MIB1: variants seen among roughly 807,000 people sequenced by gnomAD.
MIB1 encodes E3 ubiquitin-protein ligase MIB1.
Under a neutral mutation model 124.5 loss-of-function variants are expected in MIB1, and 278 were observed. That is an observed-to-expected ratio of 2.23 (90% CI 2.02 to 2.47). The LOEUF is 2.47. MIB1 is among the 30% of genes most tolerant of loss of function. MIB1 has a pLI of 0.00. For missense variants in MIB1, 957 were observed against 1,254.4 expected (o/e 0.76, Z 3.58); for synonymous variants, 446 against 429.4 (o/e 1.04, Z -0.48).
upstream of MIB1, among the ~76,000 whole-genome samples, chr18:21,738,579 G>A (rs189351848): frequency 0.01 from 1,537 of 151,830 alleles, 20 homozygotes; most frequent in African/African-American, 0.034. Flanking sequence ...AGGCCGAGGC[G>A]GGCGGATCAC....
intron 3 of MIB1, among the ~76,000 whole-genome samples, chr18:21,771,755 G>A (rs773689151): frequency 8.6e-5 from 13 of 151,954 alleles, no homozygotes; most frequent in Non-Finnish European, 1.9e-4. Flanking sequence ...CATATGCTTT[G>A]GGAGGCTGAG....
Position 21,760,975 on chromosome 18 carries a change from T to C in MIB1, c.230-4797T>C, listed in dbSNP as rs569403765. On this transcript the variant is annotated intron_variant, in intron 1 of 20. Transcript: ENST00000261537. ...AGAAACTTAGCCATTTTGTGGACAT[T>C]TACTGTCATTGGTATTTGATATTAA... 2.4e-3 allele frequency among the ~76,000 whole-genome samples: 372 copies of C among 152,326 alleles called. 2 individuals are homozygous for C. The highest frequency in any genetic ancestry group is 8.4e-3 in the African/African-American group (351 of 41,572).
chr18:21,784,755 G>T (rs1248251171), intron 6 of MIB1, among the ~76,000 whole-genome samples: 2 of 152,188 alleles, frequency 1.3e-5, no homozygotes, highest in African/African-American at 4.8e-5. Context: ...GGGCTCGTTG[G>T]TCTAGTGGTA....
At chr18:21,818,298 G>T (rs1191756702) in intron 11 of MIB1, among the ~76,000 whole-genome samples, 1 of 151,848 alleles carries the variant, frequency 6.6e-6, no homozygotes, top group Non-Finnish European at 1.5e-5. Flanking sequence ...GATTTTAAAA[G>T]ATCTCCCCAG....
intron 7 of MIB1, among the ~76,000 whole-genome samples, chr18:21,797,018 T>A (rs2041589958): frequency 6.6e-6 from 1 of 152,094 alleles, no homozygotes; most frequent in Admixed American, 6.6e-5. Flanking sequence ...AAACAAAAAA[T>A]TGATTATGTG....
chr18:21,820,188 A>G (rs45546634), intron 12 of MIB1, among the ~76,000 whole-genome samples: 2,839 of 152,302 alleles, frequency 0.019, 40 homozygotes, highest in East Asian at 0.069. Flanking sequence ...TTCTTTATGA[A>G]GGATCTGCGG....
At position 21,798,024 on chromosome 18, in the gene MIB1, T is replaced by C. The variant is rs886418580; in HGVS notation, c.1093-60T>C. 24 of 1,511,436 alleles carry C rather than the reference T, an allele frequency of 1.6e-5. No homozygotes were observed. In the Admixed American group the frequency reaches 4.0e-4, roughly 25 times the overall value. 93.6% of individuals were successfully genotyped at this position (1,511,436 alleles called of 1,614,324 possible). A position where few individuals can be genotyped will look rare whatever the true frequency, so the allele number is the denominator to read the frequency against. ...ATTACTTTAAGCATATAAAAACTAG[T>C]GATTGACTTTATGGTATATACTTTA... is the stretch of plus-strand genomic sequence containing the variant. On this transcript the variant is annotated intron_variant, in intron 7 of 20. Coordinates refer to ENST00000261537, the MANE Select transcript of MIB1 (RefSeq NM_020774.4).
intron 15 of MIB1, among the ~76,000 whole-genome samples, chr18:21,845,447 G>A (rs573536829): frequency 4.6e-5 from 7 of 152,158 alleles, no homozygotes; most frequent in South Asian, 2.1e-4. Flanking sequence ...ACCCAAGATC[G>A]CTAAGGTTTT....
intron 10 of MIB1, among the ~76,000 whole-genome samples, chr18:21,809,526 C>G (rs372388441): frequency 6.6e-6 from 1 of 151,988 alleles, no homozygotes; most frequent in East Asian, 1.9e-4. Context: ...GAGCTACATT[C>G]AGCAGCATGA....
At chr18:21,726,583 G>GT (rs2040743166) in intron 1 of MIB1, among the ~76,000 whole-genome samples, 1 of 152,164 alleles carries the variant, frequency 6.6e-6, no homozygotes, top group African/African-American at 2.4e-5. Context: ...AGGGTTCAGA[G>GT]TGAACGCTCT....
rs746786519 is a variant in MIB1, at chr18:21,849,200, C to G, written c.2398C>G (p.Gln800Glu). 6.5e-7 allele frequency: 1 copy of G among 1,543,916 alleles called. No individual in the cohort carries two copies. The highest frequency in any genetic ancestry group is 8.7e-7 in the Non-Finnish European group (1 of 1,145,454). ...AKCHKEKVSG[Q>E]VGSRSPSMIS... is the part of the protein sequence containing the mutation. ...TGAAATACTTTCTTTTATTAGTGGT[C>G]AAGTGGGTTCTCGGAGTCCTTCTAT... is the stretch of plus-strand genomic sequence containing the variant. The change falls in exon 17 of 21, where the codon CAA becomes GAA. Residue 800 changes from glutamine to glutamate, a missense_variant. Coordinates refer to ENST00000261537, the MANE Select transcript of MIB1 (RefSeq NM_020774.4).
intron 1 of MIB1, among the ~76,000 whole-genome samples, chr18:21,727,282 C>T (rs185329236): frequency 3.0e-4 from 45 of 152,226 alleles, no homozygotes; most frequent in Non-Finnish European, 5.4e-4. Context: ...TATAGGCATG[C>T]ACCACCACAC....
chr18:21,773,622 A>G lies in MIB1; in HGVS notation c.532-2A>G. 3 of 1,599,750 alleles carry G rather than the reference A, an allele frequency of 1.9e-6. No homozygotes were observed. The highest frequency in any genetic ancestry group is 2.6e-6 in the Non-Finnish European group (3 of 1,173,156). On this transcript the variant is annotated splice_acceptor_variant, in intron 3 of 20. Coordinates refer to ENST00000261537, the MANE Select transcript of MIB1 (RefSeq NM_020774.4). LOFTEE classifies it high-confidence loss of function. ...TTCTTTTCTCAAAAACTATTCTGTT[A>G]GGTAACAGAAATCCAGGACTGGAGT...
At chr18:21,836,046 C>A (rs1394914443) in intron 12 of MIB1, among the ~76,000 whole-genome samples, 1 of 151,372 alleles carries the variant, frequency 6.6e-6, no homozygotes, top group Non-Finnish European at 1.5e-5. Context: ...CTCAGGAGTT[C>A]AAGACCAGCC....
At chr18:21,728,703 G>A (rs1478421453) in intron 1 of MIB1, among the ~76,000 whole-genome samples, 1 of 151,958 alleles carries the variant, frequency 6.6e-6, no homozygotes, top group Non-Finnish European at 1.5e-5. Flanking sequence ...TATTTTGGGG[G>A]GTCCAGTGTG....
chr18:21,819,361 T>A, intron 11 of MIB1, 134 bp from the exon 12 acceptor site: 1 of 573,662 alleles, frequency 1.7e-6, no homozygotes, highest in Non-Finnish European at 3.0e-6. Flanking sequence ...TTTGTAGTTA[T>A]CACAGAAAGT....
intron 1 of MIB1, among the ~76,000 whole-genome samples, chr18:21,744,728 A>T (rs868511736): frequency 3.9e-5 from 6 of 152,220 alleles, no homozygotes; most frequent in African/African-American, 1.4e-4. Flanking sequence ...TATCATAGAA[A>T]TGATGTTTTG....
rs1044454111 is a variant in MIB1 at position 21,741,526 on chromosome 18, C to T, written c.-58C>T. ...CCGGGCCCAACTCCCTCACGGGCCC[C>T]CCGGCGGCAGCGGCGGCGGCGGCGG... On this transcript the variant is annotated 5_prime_UTR_variant, in exon 1 of 21. Coordinates refer to ENST00000261537, the MANE Select transcript of MIB1 (RefSeq NM_020774.4). This position sits in a 1 kb window ranked among gnomAD's most constrained non-coding sequence, Gnocchi z 5.4. The T allele has an allele frequency of 2.4e-6, 3 of 1,267,660 alleles. No homozygotes were observed. The highest frequency in any genetic ancestry group is 3.0e-6 in the Non-Finnish European group (3 of 995,960). The allele number at this position is 1,267,660 out of a possible 1,614,324, so 78.5% of individuals were successfully genotyped here. A position where few individuals can be genotyped will look rare whatever the true frequency, so the allele number is the denominator to read the frequency against.
chr18:21,791,438 G>C lies in MIB1; in HGVS notation c.973G>C (p.Gly325Arg), dbSNP rs1035792993. The C allele has an allele frequency of 1.1e-5, 18 of 1,613,942 alleles. No individual in the cohort carries two copies. Among genetic ancestry groups the C allele is most frequent in the Non-Finnish European group, 1.4e-5 (17 of 1,179,934 alleles). The change falls in exon 7 of 21, where the codon GGT (glycine) becomes CGT (arginine). Residue 325 changes from glycine (G) to arginine (R), a missense_variant. Physicochemically the swap from Gly to Arg is moderately radical, Grantham distance 125. Transcript: ENST00000261537. Reference sequence around the variant, plus strand: ...TGTCCGAAGTGGAGATGCTGCTCAGGGTGCAGAAGGAGGCACCTCGCAGTT... The same window carrying C: ...TGTCCGAAGTGGAGATGCTGCTCAGCGTGCAGAAGGAGGCACCTCGCAGTT... ...NIVRSGDAAQ[G>R]AEGGTSQFQV...
Sources: gnomAD v4.1 joint callset for allele counts (sites outside exome capture counted in the v4.1 genomes callset) on GRCh38, gnomAD v4.1.1 for gene constraint, Gnocchi (gnomAD v3.1) non-coding constraint, MANE v1.5 for transcripts, NCBI Gene and HGNC (gene_info 2026-07-23, HGNC 2026-07-21) for gene names.